Variants in PDCD1 observed in about 807,000 individuals in gnomAD.
The protein encoded by PDCD1 is programmed cell death 1.
A neutral mutation model predicts 23.6 loss-of-function variants in PDCD1; 10 were observed. The ratio of observed to expected loss-of-function variants is 0.42; its 90% confidence interval spans 0.26 to 0.72. The LOEUF (loss-of-function observed/expected upper bound fraction) is 0.72. PDCD1 is among the 30% of genes least tolerant of loss of function. The pLI is 0.24. For synonymous variants in PDCD1, 168 were observed against 169.3 expected (o/e 0.99, Z 0.06); for missense variants, 313 against 397.8 (o/e 0.79, Z 1.81).
Position 241,851,278 on chromosome 2 carries a change from A to G in PDCD1, c.647T>C (p.Val216Ala), listed in dbSNP as rs984861964. ...GQPLKEDPSA[V>A]PVFSVDYGEL... Reference sequence around the variant, plus strand: ...CCCATAGTCCACAGAGAACACAGGCACGGCTGAGGGGTCCTCCTTCTTTGA... The same window carrying G: ...CCCATAGTCCACAGAGAACACAGGCGCGGCTGAGGGGTCCTCCTTCTTTGA... The change falls in exon 5 of 5, where the codon GTG becomes GCG. Residue 216 changes from valine to alanine, a missense_variant. By Grantham distance (64) the Val-to-Ala change is moderately conservative. Transcript: ENST00000334409. 6.2e-7 allele frequency: 1 copy of G among 1,612,048 alleles called. No homozygotes were observed. The highest frequency in any genetic ancestry group is 1.7e-5 in the Admixed American group (1 of 59,902).
chr2:241,855,170 G>C (rs1044667875), intron 1 of PDCD1, among the ~76,000 whole-genome samples: 1 of 151,858 alleles, frequency 6.6e-6, no homozygotes, highest in African/African-American at 2.4e-5. Flanking sequence ...GGTCCAGCTG[G>C]GCCCCTCGGC....
chr2:241,850,305 G>A lies in PDCD1; in HGVS notation c.*753C>T, dbSNP rs1333542976. On this transcript the variant is annotated 3_prime_UTR_variant, in exon 5 of 5. Transcript: ENST00000334409. ...ATGTCCCTCTCCCGAGTGGTGTGAGGGGCTGGGGTGGAATGCGGCGGCAGG... is the reference window on the plus strand; with the variant it reads ...ATGTCCCTCTCCCGAGTGGTGTGAGAGGCTGGGGTGGAATGCGGCGGCAGG... 1 of 234,940 alleles carries A rather than the reference G, an allele frequency of 4.3e-6. No homozygotes were observed. 14.6% of individuals were successfully genotyped at this position (234,940 alleles called of 1,614,324 possible). A position where few individuals can be genotyped will look rare whatever the true frequency, so the allele number is the denominator to read the frequency against.
At chr2:241,851,595 G>T (rs572780593) in intron 4 of PDCD1, among the ~76,000 whole-genome samples, 1 of 151,828 alleles carries the variant, frequency 6.6e-6, no homozygotes, top group African/African-American at 2.4e-5. Context: ...CCCACCCCAC[G>T]CCCTCGCAGG....
chr2:241,854,782 G>T (rs972246925), intron 1 of PDCD1, among the ~76,000 whole-genome samples: 1 of 152,180 alleles, frequency 6.6e-6, no homozygotes, highest in Non-Finnish European at 1.5e-5. Flanking sequence ...TGCAGCTGTC[G>T]GGACAGACAG....
intron 1 of PDCD1, among the ~76,000 whole-genome samples, chr2:241,856,251 G>T (rs1204124593): frequency 6.6e-6 from 1 of 152,014 alleles, no homozygotes; most frequent in East Asian, 1.9e-4. Context: ...GCCGGGAGAG[G>T]CTGAGCAGAG....
rs1277824137 is a variant in PDCD1 at position 241,851,304 on chromosome 2, G to A, written c.628-7C>T. 4 of 1,597,874 alleles carry A rather than the reference G, an allele frequency of 2.5e-6. No homozygotes were observed. The highest frequency in any genetic ancestry group is 1.3e-5 in the African/African-American group (1 of 74,454). On this transcript the variant is annotated splice_region_variant and splice_polypyrimidine_tract_variant and intron_variant, in intron 4 of 4. Coordinates refer to ENST00000334409, the MANE Select transcript of PDCD1 (RefSeq NM_005018.3). ...CGGCTGAGGGGTCCTCCTTCTTTGAGGAGAAAGGGAGAGGGAGTCAGCCCC... is the reference window on the plus strand; with the variant it reads ...CGGCTGAGGGGTCCTCCTTCTTTGAAGAGAAAGGGAGAGGGAGTCAGCCCC...
chr2:241,856,146 G>A (rs1208951349), intron 1 of PDCD1, among the ~76,000 whole-genome samples: 1 of 152,178 alleles, frequency 6.6e-6, no homozygotes, highest in Non-Finnish European at 1.5e-5. Context: ...GCTGAGCAGA[G>A]CCCTCTCGGA....
chr2:241,851,148 G>A lies in PDCD1; in HGVS notation c.777C>T (p.Thr259=), dbSNP rs773874950. The part of the protein sequence containing the change: ...ATIVFPSGMG[T]SSPARRGSAD... Reference sequence around the variant, plus strand: ...CTGAGCCCCTGCGGGCGGGGGATGAGGTGCCCATTCCGCTAGGAAAGACAA... The same window carrying A: ...CTGAGCCCCTGCGGGCGGGGGATGAAGTGCCCATTCCGCTAGGAAAGACAA... The change falls in exon 5 of 5, where the codon ACC becomes ACT. Residue 259 remains threonine, a synonymous_variant. Transcript: ENST00000334409. The A allele has an allele frequency of 6.2e-7, 1 of 1,613,446 alleles. No individual in the cohort carries two copies. The highest frequency in any genetic ancestry group is 8.5e-7 in the Non-Finnish European group (1 of 1,179,956).
intron 4 of PDCD1, 81 bp from the exon 5 acceptor site, chr2:241,851,378 T>C: frequency 6.9e-7 from 1 of 1,451,774 alleles, no homozygotes; most frequent in South Asian, 1.3e-5. Context: ...CTGGCTGCAG[T>C]ACCGGCACCG....
intron 1 of PDCD1, among the ~76,000 whole-genome samples, chr2:241,858,050 G>A (rs1231809530): frequency 1.3e-5 from 2 of 152,188 alleles, no homozygotes; most frequent in African/African-American, 2.4e-5. Context: ...CTCTCTCCTC[G>A]ATCCGGGAGA....
At chr2:241,853,734 G>A (rs775927758) in intron 1 of PDCD1, among the ~76,000 whole-genome samples, 31 of 152,268 alleles carry the variant, frequency 2.0e-4, no homozygotes, top group African/African-American at 7.2e-4. Context: ...CGGCTCTTCC[G>A]CCAGGCGGAG....
chr2:241,858,720 C>T (rs775779385), intron 1 of PDCD1, 43 bp downstream of exon 1: 2 of 1,517,636 alleles, frequency 1.3e-6, no homozygotes, highest in South Asian at 1.2e-5. Flanking sequence ...AAGGTCCCTC[C>T]AGACCCCTGG....
intron 1 of PDCD1, among the ~76,000 whole-genome samples, chr2:241,856,998 A>G (rs968861794): frequency 2.0e-5 from 3 of 152,214 alleles, no homozygotes; most frequent in Non-Finnish European, 4.4e-5. Flanking sequence ...GGCAGCGCTG[A>G]CTGGAGCTCA....
In PDCD1 at chr2:241,856,544, T is replaced by C. The variant is rs41470050; in HGVS notation, c.76+2219A>G. Among the ~76,000 whole-genome samples, 775 of 152,332 alleles carry C rather than the reference T, an allele frequency of 5.1e-3. 8 individuals are homozygous for C. Among genetic ancestry groups the C allele is most frequent in the African/African-American group, 0.017 (727 of 41,578 alleles). ...CTTTAAAAATCAGACTTTAAAAATA[T>C]GTGTCATGGAGGCCAGATGCAGTGG... On this transcript the variant is annotated intron_variant, in intron 1 of 4. Transcript: ENST00000334409.
At chr2:241,855,363 T>C (rs1340439756) in intron 1 of PDCD1, among the ~76,000 whole-genome samples, 2 of 152,016 alleles carry the variant, frequency 1.3e-5, no homozygotes, top group Non-Finnish European at 2.9e-5. Flanking sequence ...GGCCACCTCC[T>C]CCAGGAAGGC....
At chr2:241,857,537 C>T (rs866999823) in intron 1 of PDCD1, among the ~76,000 whole-genome samples, 5 of 152,154 alleles carry the variant, frequency 3.3e-5, no homozygotes, top group Non-Finnish European at 5.9e-5. Context: ...CTGGTTCCCC[C>T]GCAGTCGTCT....
intron 1 of PDCD1, among the ~76,000 whole-genome samples, chr2:241,855,863 G>A (rs1701014126): frequency 6.6e-6 from 1 of 152,228 alleles, no homozygotes; most frequent in African/African-American, 2.4e-5. Context: ...TCGTGTGTGT[G>A]TGTGGAGGTG....
rs1470261351 is a variant in PDCD1, at chr2:241,851,309, A to G, written c.628-12T>C. 3 of 1,596,966 alleles carry G rather than the reference A, an allele frequency of 1.9e-6. No individual in the cohort carries two copies. Among genetic ancestry groups the G allele is most frequent in the Non-Finnish European group, 2.6e-6 (3 of 1,169,358 alleles). On this transcript the variant is annotated splice_polypyrimidine_tract_variant and intron_variant, in intron 4 of 4. Transcript: ENST00000334409. The stretch of plus-strand genomic sequence containing the variant: ...GAGGGGTCCTCCTTCTTTGAGGAGA[A>G]AGGGAGAGGGAGTCAGCCCCACGGC...
rs1322142282 is a variant in PDCD1 at position 241,850,433 on chromosome 2, T to A, written c.*625A>T. 4.1e-6 allele frequency: 1 copy of A among 242,506 alleles called. No individual in the cohort carries two copies. The highest frequency in any genetic ancestry group is 6.0e-5 in the East Asian group (1 of 16,718). 15.0% of individuals were successfully genotyped at this position (242,506 alleles called of 1,614,324 possible). A position where few individuals can be genotyped will look rare whatever the true frequency, so the allele number is the denominator to read the frequency against. On this transcript the variant is annotated 3_prime_UTR_variant, in exon 5 of 5. Transcript: ENST00000334409. ...AAGGGCCTGAGGTGCTGCCTGGGCA[T>A]GTGTAAAGGTGGAGGGGTTTCCTGC...
Sources: gnomAD v4.1 joint callset for allele counts (sites outside exome capture counted in the v4.1 genomes callset) on GRCh38, gnomAD v4.1.1 for gene constraint, MANE v1.5 for transcripts, NCBI Gene and HGNC (gene_info 2026-07-23, HGNC 2026-07-21) for gene names.